Variants in GEN1 observed in about 807,000 individuals in gnomAD.
GEN1 encodes the protein GEN1 structure-specific endonuclease.
A neutral mutation model predicts 67.6 loss-of-function variants in GEN1; 64 were observed. The ratio of observed to expected loss-of-function variants is 0.95; its 90% CI spans 0.77 to 1.17. The LOEUF is 1.17. GEN1 is among the 50% of genes most tolerant of loss of function. The pLI, the probability that GEN1 is intolerant of heterozygous loss-of-function variation, is 0.00. For synonymous variants in GEN1, 371 were observed against 359.4 expected (o/e 1.03, Z -0.37); for missense variants, 1,058 against 1,048.3 (o/e 1.01, Z -0.13).
chr2:17,765,408 AAG>A (rs1373519971), intron 4 of GEN1, among the ~76,000 whole-genome samples: 1 of 152,266 alleles, frequency 6.6e-6, no homozygotes, highest in Non-Finnish European at 1.5e-5. Flanking sequence ...CAAATATGCA[AAG>A]AGAGAGATAT....
intron 12 of GEN1, among the ~76,000 whole-genome samples, chr2:17,778,571 A>G (rs1672670865): frequency 1.3e-5 from 2 of 149,288 alleles, no homozygotes. Flanking sequence ...GTTTTGACTA[A>G]TAGTAAATAT....
chr2:17,777,677 ATAAAG>A (rs777737113), intron 11 of GEN1, among the ~76,000 whole-genome samples: 82 of 152,190 alleles, frequency 5.4e-4, no homozygotes, highest in Non-Finnish European at 9.7e-4. Context: ...GAGTTTGAAA[ATAAAG>A]AGATTTAAGA....
At chr2:17,778,755 C>T (rs1346711116) in intron 12 of GEN1, among the ~76,000 whole-genome samples, 1 of 150,722 alleles carries the variant, frequency 6.6e-6, no homozygotes, top group Admixed American at 6.6e-5. Context: ...TGTTAAAATA[C>T]TCCTGGGGTA....
At chr2:17,757,407 C>T (rs1291607460) in intron 1 of GEN1, among the ~76,000 whole-genome samples, 1 of 151,700 alleles carries the variant, frequency 6.6e-6, no homozygotes, top group Non-Finnish European at 1.5e-5. Flanking sequence ...TTACCATAAC[C>T]CTCAGAAGGA....
In GEN1 at chr2:17,779,997, TAAAC is replaced by T. The variant is rs777320621; in HGVS notation, c.1287_1290del (p.Lys429AsnfsTer8). The T allele has an allele frequency of 6.2e-6, 10 of 1,601,864 alleles. No homozygotes were observed. The highest frequency in any genetic ancestry group is 7.7e-6 in the Non-Finnish European group (9 of 1,169,392). On this transcript the variant is annotated frameshift_variant, in exon 13 of 14. Coordinates refer to ENST00000381254, the MANE Select transcript of GEN1 (RefSeq NM_001130009.3). LOFTEE classifies it high-confidence loss of function. ...TTTTAGAACATTATGCTATGGAAGA[TAAAC>T]AACATGGAGAATTTGCTTTATTAAC...
rs200316404 is a variant in GEN1 at position 17,778,574 on chromosome 2, GTAAATATGA to G, written c.1264+516_1264+524del. 6.1e-5 allele frequency among the ~76,000 whole-genome samples: 9 copies of G among 148,576 alleles called. No individual in the cohort carries two copies. The East Asian group carries it at 1.4e-3, about 22-fold the overall frequency. On this transcript the variant is annotated intron_variant, in intron 12 of 13. Transcript: ENST00000381254. ...TATTTTAGATAGGTTTTGACTAATAGTAAATATGATAAACTTTGATTTTATTTTAATGTC... is the reference window on the plus strand; with the variant it reads ...TATTTTAGATAGGTTTTGACTAATAGTAAACTTTGATTTTATTTTAATGTC...
intron 9 of GEN1, 42 bp from the exon 10 acceptor site, chr2:17,773,177 A>T: frequency 3.2e-6 from 5 of 1,549,046 alleles, no homozygotes; most frequent in Non-Finnish European, 4.4e-6. Flanking sequence ...AAACTTTCTT[A>T]AAAGTTTAAA....
chr2:17,765,821 T>TA (rs1558399522), intron 4 of GEN1, among the ~76,000 whole-genome samples: 5 of 152,118 alleles, frequency 3.3e-5, no homozygotes, highest in South Asian at 2.1e-4. Flanking sequence ...TACTTTTACT[T>TA]AAAAAACGTA....
chr2:17,753,859 C>T (rs1240939437), upstream of GEN1: 1 of 152,374 alleles, frequency 6.6e-6, no homozygotes, highest in Non-Finnish European at 1.5e-5. Flanking sequence ...CGCGCCTGCG[C>T]AGTTGCGGGG....
chr2:17,778,262 G>A lies in GEN1; in HGVS notation c.1264+199G>A, dbSNP rs796546948. On this transcript the variant is annotated intron_variant, in intron 12 of 13. Transcript: ENST00000381254. ...TGTACATATATGTATACACACATAT[G>A]TGTGTACATATATGTATATACACAC... Among the ~76,000 whole-genome samples, 24 of 90,676 alleles carry A rather than the reference G, an allele frequency of 2.6e-4. No homozygotes were observed. In the South Asian group the frequency reaches 8.6e-3, roughly 33 times the overall value. The allele number at this position is 90,676 out of a possible 152,430, so 59.5% of individuals were successfully genotyped here. A position where few individuals can be genotyped will look rare whatever the true frequency, so the allele number is the denominator to read the frequency against.
At chr2:17,763,633 T>G (rs1297760646) in intron 3 of GEN1, among the ~76,000 whole-genome samples, 1 of 152,182 alleles carries the variant, frequency 6.6e-6, no homozygotes, top group Non-Finnish European at 1.5e-5. Context: ...GTGGGAAAAA[T>G]TGCAACAGCC....
chr2:17,778,195 C>CATATATGTGTGT (rs1558408611), intron 12 of GEN1, 132 bp downstream of exon 12: 18 of 398,996 alleles, frequency 4.5e-5, no homozygotes, highest in African/African-American at 3.0e-4. Flanking sequence ...TATACACACA[C>CATATATGTGTGT]ACATATATGT....
chr2:17,777,417 G>C (rs1246319585), intron 11 of GEN1, among the ~76,000 whole-genome samples: 1 of 152,046 alleles, frequency 6.6e-6, no homozygotes, highest in Non-Finnish European at 1.5e-5. Flanking sequence ...TTCCAAACCA[G>C]TACAATTAAA....
chr2:17,786,130 T>TA lies in GEN1; in HGVS notation c.*4192dup, dbSNP rs1341958134. ...CAGGCATTGTGCTGGGCCCTGGAGATACAGTGATCAATGGCATCCTATAAG... is the reference window on the plus strand; with the variant it reads ...CAGGCATTGTGCTGGGCCCTGGAGATAACAGTGATCAATGGCATCCTATAAG... On this transcript the variant is annotated 3_prime_UTR_variant, in exon 14 of 14. Transcript: ENST00000381254. 1.3e-5 allele frequency: 2 copies of TA among 152,348 alleles called. No homozygotes were observed. Among genetic ancestry groups the TA allele is most frequent in the Non-Finnish European group, 2.9e-5 (2 of 68,028 alleles). The allele number at this position is 152,348 out of a possible 1,614,324, so 9.4% of individuals were successfully genotyped here. A position where few individuals can be genotyped will look rare whatever the true frequency, so the allele number is the denominator to read the frequency against.
intron 4 of GEN1, among the ~76,000 whole-genome samples, chr2:17,765,944 CTATAATA>C (rs1434354110): frequency 2.0e-5 from 2 of 97,842 alleles, no homozygotes; most frequent in East Asian, 1.7e-3. Flanking sequence ...TGTTTACTTT[CTATAATA>C]TATATATATA....
At position 17,781,505 on chromosome 2, in the gene GEN1, A is replaced by T. The variant is rs557705019; in HGVS notation, c.2293A>T (p.Thr765Ser). The T allele has an allele frequency of 8.9e-5, 143 of 1,613,694 alleles. No individual in the cohort carries two copies. The highest frequency in any genetic ancestry group is 3.3e-4 in the Middle Eastern group (2 of 6,060). Reference sequence around the variant, plus strand: ...TTCTGTCAGTAACACAGTGGTAAAGACCTGCAATGTTAGACCACCAAATAC... The same window carrying T: ...TTCTGTCAGTAACACAGTGGTAAAGTCCTGCAATGTTAGACCACCAAATAC... ...PYSVSNTVVK[T>S]CNVRPPNTAL... Residue 765 changes from threonine to serine, a missense_variant, in exon 14 of 14, where the codon ACC (threonine) becomes TCC (serine). Coordinates refer to ENST00000381254, the MANE Select transcript of GEN1 (RefSeq NM_001130009.3).
rs1392365464 is a variant in GEN1 at position 17,786,744 on chromosome 2, G to C, written c.*4805G>C. 6.6e-5 allele frequency: 10 copies of C among 152,068 alleles called. No individual in the cohort carries two copies. Among genetic ancestry groups the C allele is most frequent in the Admixed American group, 4.6e-4 (7 of 15,272 alleles). The allele number at this position is 152,068 out of a possible 1,614,324, so 9.4% of individuals were successfully genotyped here. A position where few individuals can be genotyped will look rare whatever the true frequency, so the allele number is the denominator to read the frequency against. ...CTGACATTATAAATGTTGAGTTCAG[G>C]GTTTTTTTTTTCATTGTTTCCCAAA... On this transcript the variant is annotated 3_prime_UTR_variant, in exon 14 of 14. Transcript: ENST00000381254.
intron 1 of GEN1, among the ~76,000 whole-genome samples, chr2:17,756,675 C>T (rs749963812): frequency 1.8e-4 from 27 of 152,116 alleles, no homozygotes; most frequent in Non-Finnish European, 3.7e-4. Context: ...ATCCGCCTGC[C>T]TCGACCTCCC....
chr2:17,755,555 TTA>T, intron 1 of GEN1: 1 of 152,306 alleles, frequency 6.6e-6, no homozygotes, highest in East Asian at 1.9e-4. Context: ...GTTACTGAGA[TTA>T]TGTGGTAAAT....
Sources: gnomAD v4.1 joint callset for allele counts (sites outside exome capture counted in the v4.1 genomes callset) on GRCh38, gnomAD v4.1.1 for gene constraint, MANE v1.5 for transcripts, NCBI Gene and HGNC (gene_info 2026-07-23, HGNC 2026-07-21) for gene names.